FRMD3: variants seen among roughly 807,000 people sequenced by gnomAD.
The protein encoded by FRMD3 is FERM domain containing 3, also known as FERM domain-containing protein 3.
FRMD3 carries 33 observed loss-of-function variants against 70.2 expected under a neutral mutation model. The observed-to-expected ratio is 0.47, with a 90% CI of 0.36 to 0.63. The LOEUF is 0.63. Among genes scored for constraint, FRMD3 ranks in the 20% least tolerant of loss-of-function variants. FRMD3 has a pLI of 0.00. For synonymous variants in FRMD3, 279 were observed against 255.9 expected, an observed-to-expected ratio of 1.09 and a Z score of -0.86; for missense variants, 632 against 711.4, an observed-to-expected ratio of 0.89 and a Z score of 1.27.
At chr9:83,344,204 G>A (rs1823872542) in intron 4 of FRMD3, among the ~76,000 whole-genome samples, 1 of 152,210 alleles carries the variant, frequency 6.6e-6, no homozygotes, top group Admixed American at 6.5e-5. Flanking sequence ...GGGATCTGTT[G>A]TTTCTGAGCA....
At chr9:83,530,327 C>T (rs901528339) in intron 1 of FRMD3, among the ~76,000 whole-genome samples, 23 of 152,062 alleles carry the variant, frequency 1.5e-4, no homozygotes, top group African/African-American at 5.6e-4. Flanking sequence ...AGGTACTGAC[C>T]CATGCTACAA....
rs765236400 is a variant in FRMD3, at chr9:83,538,049, C to T, written c.147+36G>A. On this transcript the variant is annotated intron_variant, in intron 1 of 13. Coordinates refer to ENST00000304195, the MANE Select transcript of FRMD3 (RefSeq NM_174938.6). The surrounding 1 kb of genome is among the most constrained non-coding windows in gnomAD (Gnocchi z 4.7). Reference sequence around the variant, plus strand: ...CAAAGGCCCCCCGCCCTGCTCCCGGCGTGTGCCCCGCGCCCTCGCCCGGTT... The same window carrying T: ...CAAAGGCCCCCCGCCCTGCTCCCGGTGTGTGCCCCGCGCCCTCGCCCGGTT... The T allele has an allele frequency of 1.3e-5, 21 of 1,602,908 alleles. No individual in the cohort carries two copies. Among genetic ancestry groups the T allele is most frequent in the Admixed American group, 6.7e-5 (4 of 59,500 alleles).
Position 83,311,915 on chromosome 9 carries a change from C to T in FRMD3, c.745G>A (p.Gly249Arg), listed in dbSNP as rs1458088855. Residue 249 changes from glycine (G) to arginine (R), a missense_variant, in exon 8 of 14, where the codon GGA becomes AGA. By Grantham distance (125) the Gly-to-Arg change is moderately radical. Transcript: ENST00000304195. ...FTAAGFVVFQ[G>R]NKRIHLIKWP... is the part of the protein sequence containing the mutation. Reference sequence around the variant, plus strand: ...TTTATCAAATGGATTCTCTTATTTCCCTGAAAGACCACAAAGCCTGCAGCT... The same window carrying T: ...TTTATCAAATGGATTCTCTTATTTCTCTGAAAGACCACAAAGCCTGCAGCT... 3 of 1,610,764 alleles carry T rather than the reference C, an allele frequency of 1.9e-6. No homozygotes were observed. Among genetic ancestry groups the T allele is most frequent in the African/African-American group, 1.3e-5 (1 of 74,548 alleles).
chr9:83,444,497 G>A (rs951351811), intron 1 of FRMD3, among the ~76,000 whole-genome samples: 7 of 152,200 alleles, frequency 4.6e-5, no homozygotes, highest in African/African-American at 1.7e-4. Context: ...TATCTTCGGA[G>A]TTTCCTTCAA....
At position 83,445,353 on chromosome 9, in the gene FRMD3, G is replaced by GATAT. The variant is rs775068537; in HGVS notation, c.148-55646_148-55645insATAT. Among the ~76,000 whole-genome samples the GATAT allele has an allele frequency of 4.9e-3, 736 of 149,332 alleles. 5 individuals are homozygous for GATAT. Among genetic ancestry groups the GATAT allele is most frequent in the Admixed American group, 0.025 (376 of 14,820 alleles). On this transcript the variant is annotated intron_variant, in intron 1 of 13. Transcript: ENST00000304195. ...TATCTCAAAAATAAATAGATAGATA[G>GATAT]ATAGATAGATAGATAGATAGATAGA...
At chr9:83,461,869 G>T (rs1052970408) in intron 1 of FRMD3, among the ~76,000 whole-genome samples, 1 of 151,666 alleles carries the variant, frequency 6.6e-6, no homozygotes, top group Non-Finnish European at 1.5e-5. Flanking sequence ...TGTATTTTTA[G>T]TAGAGATGGG....
At chr9:83,425,431 C>G (rs897682651) in intron 1 of FRMD3, among the ~76,000 whole-genome samples, 22 of 152,056 alleles carry the variant, frequency 1.4e-4, no homozygotes, top group African/African-American at 5.3e-4. Flanking sequence ...CATTCATCAT[C>G]CTAGCTTGTG....
chr9:83,523,777 T>C (rs766318662), intron 1 of FRMD3, among the ~76,000 whole-genome samples: 3 of 152,226 alleles, frequency 2.0e-5, no homozygotes, highest in Non-Finnish European at 4.4e-5. Flanking sequence ...CTCTTTTTTT[T>C]CCTTTTAATC....
chr9:83,583,194 C>T, the FRMD3 span, among the ~76,000 whole-genome samples: 2 of 152,104 alleles, frequency 1.3e-5, no homozygotes, highest in African/African-American at 4.8e-5. Flanking sequence ...CTTTTCTGCA[C>T]AAAAATTTGT....
chr9:83,247,417 G>C lies in FRMD3; in HGVS notation c.*501C>G. 1.0e-6 allele frequency: 1 copy of C among 972,994 alleles called. No homozygotes were observed. The highest frequency in any genetic ancestry group is 1.2e-6 in the Non-Finnish European group (1 of 823,406). The allele number at this position is 972,994 out of a possible 1,614,324, so 60.3% of individuals were successfully genotyped here. A position where few individuals can be genotyped will look rare whatever the true frequency, so the allele number is the denominator to read the frequency against. Reference sequence around the variant, plus strand: ...TTTTTGCTAAAAATTTACCAAAATAGTTTGAACACATAAAAATATTTTTAA... The same window carrying C: ...TTTTTGCTAAAAATTTACCAAAATACTTTGAACACATAAAAATATTTTTAA... On this transcript the variant is annotated 3_prime_UTR_variant, in exon 14 of 14. Coordinates refer to ENST00000304195, the MANE Select transcript of FRMD3 (RefSeq NM_174938.6).
upstream of FRMD3, among the ~76,000 whole-genome samples, chr9:83,540,470 A>G (rs891119996): frequency 6.6e-6 from 1 of 152,250 alleles, no homozygotes; most frequent in African/African-American, 2.4e-5. Context: ...TGAAGAAATG[A>G]GAAGAATCTG....
chr9:83,277,928 C>G (rs1474812737), intron 13 of FRMD3, among the ~76,000 whole-genome samples: 1 of 152,132 alleles, frequency 6.6e-6, no homozygotes, highest in Non-Finnish European at 1.5e-5. Context: ...TCTTTTGGAG[C>G]TGGTGTTTTA....
At chr9:83,479,653 AAGGAAG>A (rs1828493580) in intron 1 of FRMD3, among the ~76,000 whole-genome samples, 2 of 49,338 alleles carry the variant, frequency 4.1e-5, no homozygotes, top group East Asian at 7.4e-4. Context: ...GGAAGGAAGG[AAGGAAG>A]GAAGGAAGGA....
chr9:83,517,173 G>A (rs1829471096), intron 1 of FRMD3, among the ~76,000 whole-genome samples: 1 of 152,054 alleles, frequency 6.6e-6, no homozygotes, highest in Admixed American at 6.5e-5. Context: ...AAAAATCAAT[G>A]AAACCAGGAG....
At chr9:83,553,354 T>C in the FRMD3 span, among the ~76,000 whole-genome samples, 1 of 152,180 alleles carries the variant, frequency 6.6e-6, no homozygotes, top group African/African-American at 2.4e-5. Flanking sequence ...GTTAACCTCA[T>C]GGGGTTCCCT....
Position 83,335,596 on chromosome 9 carries a change from G to GTAA in FRMD3, c.513_515dup (p.Tyr172dup), listed in dbSNP as rs772628529. ...TGGGGAAAATCTCAAACTCACTGAT[G>GTAA]TAATTCTCAGGATGCTCATCAGGAT... On this transcript the variant is annotated inframe_insertion, in exon 6 of 14. Transcript: ENST00000304195. The GTAA allele has an allele frequency of 1.1e-5, 18 of 1,612,698 alleles. No homozygotes were observed. The highest frequency in any genetic ancestry group is 1.4e-5 in the Non-Finnish European group (17 of 1,178,974).
chr9:83,516,841 T>C (rs1354187961), intron 1 of FRMD3, among the ~76,000 whole-genome samples: 1 of 152,142 alleles, frequency 6.6e-6, no homozygotes, highest in Non-Finnish European at 1.5e-5. Context: ...CACAACTACA[T>C]GGGAACTGAA....
chr9:83,405,848 T>C (rs1826086762), intron 1 of FRMD3, among the ~76,000 whole-genome samples: 1 of 152,196 alleles, frequency 6.6e-6, no homozygotes, highest in Admixed American at 6.5e-5. Flanking sequence ...CAGAGGTTTT[T>C]AGTTTGACAG....
chr9:83,411,924 G>A (rs1826291249), intron 1 of FRMD3, among the ~76,000 whole-genome samples: 1 of 152,112 alleles, frequency 6.6e-6, no homozygotes, highest in South Asian at 2.1e-4. Flanking sequence ...GCATAGAATT[G>A]GACTTTTATC....
Sources: allele counts gnomAD v4.1 joint callset (sites outside exome capture counted in the v4.1 genomes callset), GRCh38; gene constraint gnomAD v4.1.1; non-coding constraint Gnocchi (gnomAD v3.1); transcripts MANE v1.5; gene names NCBI Gene and HGNC (gene_info 2026-07-23, HGNC 2026-07-21).